Variants in ARNT observed in about 807,000 individuals in gnomAD.
ARNT encodes class E basic helix-loop-helix protein 2.
ARNT carries 30 observed loss-of-function variants against 105.0 expected under a neutral mutation model. The observed-to-expected ratio is 0.29, with a 90% CI of 0.21 to 0.39. The LOEUF is 0.39. Among genes scored for constraint, ARNT ranks in the 10% least tolerant of loss-of-function variants. The pLI is 1.00. For synonymous variants in ARNT, 304 were observed against 344.0 expected (o/e 0.88, Z 1.29); for missense variants, 748 against 978.7 (o/e 0.76, Z 3.15).
intron 13 of ARNT, 108 bp downstream of exon 13, chr1:150,826,435 G>T (rs587621224): frequency 8.3e-5 from 70 of 839,372 alleles, no homozygotes; most frequent in Admixed American, 3.1e-4. Flanking sequence ...AACTACTAAA[G>T]AACATAAAAC....
At chr1:150,869,323 A>G (rs1032418160) in intron 1 of ARNT, among the ~76,000 whole-genome samples, 7 of 152,018 alleles carry the variant, frequency 4.6e-5, no homozygotes, top group African/African-American at 1.7e-4. Context: ...TAAAAACACA[A>G]AAAATTAGCA....
chr1:150,845,761 G>T (rs1662086011), intron 4 of ARNT, among the ~76,000 whole-genome samples: 2 of 152,034 alleles, frequency 1.3e-5, no homozygotes, highest in African/African-American at 4.8e-5. Flanking sequence ...AATTAGCTGG[G>T]CGTGGTGGCA....
Position 150,836,302 on chromosome 1 carries a change from G to A in ARNT, c.678C>T (p.Ser226=). ...DDVDKLREQL[S]TSENALTGRI... Reference sequence around the variant, plus strand: ...CACCTGTCAGGGCATTTTCTGAAGTGGAAAGCTGCTCACGAAGTTTATCCA... The same window carrying A: ...CACCTGTCAGGGCATTTTCTGAAGTAGAAAGCTGCTCACGAAGTTTATCCA... Residue 226 remains serine (S), a synonymous_variant, in exon 7 of 22, where the codon TCC becomes TCT. Transcript: ENST00000358595. 6.2e-7 allele frequency: 1 copy of A among 1,614,134 alleles called. No homozygotes were observed. Among genetic ancestry groups the A allele is most frequent in the Non-Finnish European group, 8.5e-7 (1 of 1,180,014 alleles).
intron 2 of ARNT, among the ~76,000 whole-genome samples, chr1:150,854,543 C>T (rs187336094): frequency 6.6e-6 from 1 of 152,000 alleles, no homozygotes; most frequent in African/African-American, 2.4e-5. Context: ...ACCTCAGTGA[C>T]ATGGCAAGAC....
At chr1:150,839,308 T>C (rs936976564) in intron 6 of ARNT, 133 bp downstream of exon 6, 4 of 785,452 alleles carry the variant, frequency 5.1e-6, no homozygotes, top group African/African-American at 3.5e-5. Context: ...ATTAATGTTA[T>C]AGCCAAGGAT....
intron 7 of ARNT, among the ~76,000 whole-genome samples, chr1:150,835,532 T>C (rs1660159967): frequency 6.6e-6 from 1 of 151,846 alleles, no homozygotes; most frequent in African/African-American, 2.4e-5. Context: ...CCCAGAAGAG[T>C]TCAAGATTAC....
chr1:150,863,933 T>C (rs967479946), intron 1 of ARNT, among the ~76,000 whole-genome samples: 9 of 152,218 alleles, frequency 5.9e-5, no homozygotes, highest in Admixed American at 4.6e-4. Context: ...GGATATGTTC[T>C]GAGAAATGTG....
intron 3 of ARNT, among the ~76,000 whole-genome samples, chr1:150,850,424 G>C (rs1445326048): frequency 6.6e-6 from 1 of 152,216 alleles, no homozygotes; most frequent in Non-Finnish European, 1.5e-5. Context: ...TGCGATTGCA[G>C]TCGCGCGCCG....
chr1:150,823,370 T>C, intron 13 of ARNT, 25 bp from the exon 14 acceptor site: 1 of 1,551,960 alleles, frequency 6.4e-7, no homozygotes, highest in Non-Finnish European at 8.7e-7. Context: ...ATGCCATCAG[T>C]GGAACTCATA....
intron 1 of ARNT, among the ~76,000 whole-genome samples, chr1:150,871,323 C>CG (rs1667397992): frequency 8.9e-6 from 1 of 112,954 alleles, no homozygotes; most frequent in Non-Finnish European, 1.7e-5. Flanking sequence ...TTTTTTTAGA[C>CG]GGAGTCTCAC....
intron 6 of ARNT, among the ~76,000 whole-genome samples, chr1:150,837,045 G>A (rs990119279): frequency 6.6e-6 from 1 of 151,632 alleles, no homozygotes; most frequent in Non-Finnish European, 1.5e-5. Context: ...CAGCCTGAGC[G>A]ACAGAGCAAG....
chr1:150,867,275 A>C (rs1666752181), intron 1 of ARNT, among the ~76,000 whole-genome samples: 1 of 151,976 alleles, frequency 6.6e-6, no homozygotes, highest in South Asian at 2.1e-4. Flanking sequence ...TACACCTATA[A>C]TCCCAGCTAC....
intron 3 of ARNT, 152 bp downstream of exon 3, chr1:150,852,610 C>T: frequency 3.0e-6 from 2 of 669,652 alleles, no homozygotes; most frequent in Non-Finnish European, 5.0e-6. Context: ...TAACGGAATG[C>T]TTAAAAATTT....
At chr1:150,846,869 T>C (rs1213330946) in intron 3 of ARNT, among the ~76,000 whole-genome samples, 2 of 152,202 alleles carry the variant, frequency 1.3e-5, no homozygotes, top group Non-Finnish European at 2.9e-5. Context: ...AATCATACAG[T>C]AATTGTCTTT....
intron 1 of ARNT, among the ~76,000 whole-genome samples, chr1:150,865,700 C>G (rs1306674368): frequency 6.6e-6 from 1 of 152,088 alleles, no homozygotes; most frequent in Non-Finnish European, 1.5e-5. Flanking sequence ...AGTGAGGGAC[C>G]CGTACTGAAA....
intron 1 of ARNT, among the ~76,000 whole-genome samples, chr1:150,870,123 C>T (rs1375731245): frequency 6.6e-6 from 1 of 152,108 alleles, no homozygotes; most frequent in African/African-American, 2.4e-5. Context: ...CTGTCTCTAA[C>T]TTCTAGTAGC....
At chr1:150,818,067 G>C in intron 14 of ARNT, 37 bp from the exon 15 acceptor site, 4 of 1,425,296 alleles carry the variant, frequency 2.8e-6, no homozygotes, top group Non-Finnish European at 2.9e-6. Flanking sequence ...AGGGGGTGGA[G>C]AGGGAGGAAG....
Position 150,816,796 on chromosome 1 carries a change from C to A in ARNT, c.1794G>T (p.Glu598Asp). ...NTFPPTPRPAENFRNSGLAPP... is the reference protein window; with the variant it reads ...NTFPPTPRPADNFRNSGLAPP... ...ATATATACGGGGCTCACCTGAAATTCTCTGCCGGCCGGGGGGTAGGAGGGA... is the reference window on the plus strand; with the variant it reads ...ATATATACGGGGCTCACCTGAAATTATCTGCCGGCCGGGGGGTAGGAGGGA... Residue 598 changes from glutamate (E) to aspartate (D), a missense_variant, in exon 18 of 22, where the codon GAG becomes GAT. By Grantham distance (45) the Glu-to-Asp change is conservative. Around this residue, in one of 4 missense-constraint regions of ARNT, gnomAD observed 360 missense variants for 411.9 expected, o/e 0.87. Transcript: ENST00000358595. 6.3e-7 allele frequency: 1 copy of A among 1,579,606 alleles called. No homozygotes were observed. The highest frequency in any genetic ancestry group is 8.5e-7 in the Non-Finnish European group (1 of 1,171,114).
At chr1:150,814,372 T>C in intron 19 of ARNT, 133 bp from the exon 20 acceptor site, 4 of 870,376 alleles carry the variant, frequency 4.6e-6, no homozygotes, top group Non-Finnish European at 6.8e-6. Flanking sequence ...TCCTATTGTA[T>C]ATTTCTTCCA....
Sources: gnomAD v4.1 joint callset for allele counts (sites outside exome capture counted in the v4.1 genomes callset) on GRCh38, gnomAD v4.1.1 for gene constraint, gnomAD v4.1.1 regional missense constraint, MANE v1.5 for transcripts, NCBI Gene and HGNC (gene_info 2026-07-23, HGNC 2026-07-21) for gene names.